The following PCF11 variants were observed in gnomAD, a reference collection of about 807,000 sequenced individuals.
PCF11 encodes the protein pre-mRNA cleavage complex 2 protein Pcf11.
PCF11 carries 19 observed loss-of-function variants against 166.1 expected under a neutral mutation model. The ratio of observed to expected loss-of-function variants is 0.11; its 90% confidence interval spans 0.08 to 0.17. PCF11 has a LOEUF of 0.17. PCF11 is among the 10% of genes least tolerant of loss of function. The pLI, the probability that PCF11 is intolerant of heterozygous loss-of-function variation, is 1.00. For missense variants in PCF11, 1,565 were observed against 1,855.5 expected (o/e 0.84, Z 2.88); for synonymous variants, 663 against 644.1 (o/e 1.03, Z -0.44).
chr11:83,163,950 C>G (rs1860353307), intron 3 of PCF11, 83 bp downstream of exon 3: 1 of 592,734 alleles, frequency 1.7e-6, no homozygotes. Flanking sequence ...GCCAGAAAGT[C>G]AAAATAGAAT....
chr11:83,161,593 GAA>G, intron 2 of PCF11, 141 bp downstream of exon 2: 1 of 572,330 alleles, frequency 1.7e-6, no homozygotes, highest in Admixed American at 3.9e-5. Flanking sequence ...CCATTTCAAA[GAA>G]AGAGGCTGAA....
At chr11:83,183,454 TTACA>T (rs1372326969) in intron 15 of PCF11, among the ~76,000 whole-genome samples, 1 of 152,064 alleles carries the variant, frequency 6.6e-6, no homozygotes, top group Non-Finnish European at 1.5e-5. Context: ...TTTTTTTTTC[TTACA>T]TCTCTATTCA....
rs1860922352 is a variant in PCF11, at chr11:83,177,317, T to C, written c.3877+113T>C. On this transcript the variant is annotated intron_variant, in intron 10 of 15. Transcript: ENST00000298281. ...AAGGTCCTTACAATAATTGAATTCC[T>C]AGGTATAGCTTTTATTTTTGATTTT... 3 of 784,214 alleles carry C rather than the reference T, an allele frequency of 3.8e-6. No homozygotes were observed. The East Asian group carries it at 9.5e-5, about 25-fold the overall frequency. The allele number at this position is 784,214 out of a possible 1,614,324, so 48.6% of individuals were successfully genotyped here.
rs150185044 is a variant in PCF11, at chr11:83,157,756, C to A, written c.192+125C>A. The A allele has an allele frequency of 3.0e-4, 255 of 856,222 alleles. 4 individuals carry two copies. Among genetic ancestry groups the A allele is most frequent in the South Asian group, 2.7e-3 (174 of 63,522 alleles). 53.0% of individuals were successfully genotyped at this position (856,222 alleles called of 1,614,324 possible). A position where few individuals can be genotyped will look rare whatever the true frequency, so the allele number is the denominator to read the frequency against. On this transcript the variant is annotated intron_variant, in intron 1 of 15. Transcript: ENST00000298281. The stretch of plus-strand genomic sequence containing the variant: ...TCCTTCTCTCCAACCCCCCCACCCC[C>A]CTCCAACTCAGGCTCGGTCTTTGGC...
chr11:83,166,140 A>C, exon 5 of PCF11: 1 of 1,610,598 alleles, frequency 6.2e-7, no homozygotes, highest in Non-Finnish European at 8.5e-7. Context: ...GACCGATGGC[A>C]AAGATGATGA....
chr11:83,183,544 G>C (rs747426795), intron 15 of PCF11, among the ~76,000 whole-genome samples: 1 of 152,062 alleles, frequency 6.6e-6, no homozygotes, highest in Non-Finnish European at 1.5e-5. Context: ...AGGCTGGAGT[G>C]CAATGGCGCA....
At chr11:83,169,844 C>T (rs1860620436) in exon 8 of PCF11, 1 of 1,613,308 alleles carries the variant, frequency 6.2e-7, no homozygotes, top group South Asian at 1.1e-5. Context: ...TTTAATGGAC[C>T]ACATGGCCCT....
chr11:83,183,779 C>G (rs774217085), intron 15 of PCF11, among the ~76,000 whole-genome samples: 1 of 151,952 alleles, frequency 6.6e-6, no homozygotes, highest in Non-Finnish European at 1.5e-5. Context: ...CGTGAGCCAC[C>G]GTGCTCGGCC....
chr11:83,158,343 G>C (rs1017014032), intron 1 of PCF11: 1 of 152,218 alleles, frequency 6.6e-6, no homozygotes, highest in East Asian at 1.9e-4. Context: ...GGTTTGGGTG[G>C]GGGGAGGAGA....
At chr11:83,166,675 C>G in exon 5 of PCF11, 1 of 1,601,142 alleles carries the variant, frequency 6.2e-7, no homozygotes, top group Non-Finnish European at 8.5e-7. Flanking sequence ...AGTTCCAAGT[C>G]TGCCAAAAGA....
chr11:83,177,638 A>G (rs1860931893), intron 10 of PCF11, 76 bp from the exon 11 acceptor site: 1 of 644,536 alleles, frequency 1.6e-6, no homozygotes, highest in Non-Finnish European at 2.5e-6. Context: ...ATTTGCTTAT[A>G]ATACTATAGT....
At chr11:83,175,727 C>T (rs1860855899) in intron 9 of PCF11, among the ~76,000 whole-genome samples, 1 of 152,112 alleles carries the variant, frequency 6.6e-6, no homozygotes, top group Non-Finnish European at 1.5e-5. Flanking sequence ...GCACTCCAGC[C>T]TGGGCAACAG....
chr11:83,167,162 C>G lies in PCF11; in HGVS notation c.1855C>G (p.Leu619Val). Reference sequence around the variant, plus strand: ...TGATGAACATAGTAAACCTCCTCATCTGAGGCATAGGGAGAGCTGGTCAAG... The same window carrying G: ...TGATGAACATAGTAAACCTCCTCATGTGAGGCATAGGGAGAGCTGGTCAAG... The change falls in exon 6 of 16, where the codon CTG (leucine) becomes GTG (valine). Residue 619 changes from leucine to valine, a missense_variant. This residue lies in a region of PCF11 where 468 missense variants were observed against 483.4 expected (regional missense o/e 0.97). Coordinates refer to ENST00000298281, the Ensembl canonical transcript of PCF11. The surrounding 1 kb of genome is among the most constrained non-coding windows in gnomAD (Gnocchi z 4.2). 6.2e-7 allele frequency: 1 copy of G among 1,613,406 alleles called. No homozygotes were observed. The highest frequency in any genetic ancestry group is 1.1e-5 in the South Asian group (1 of 91,040).
rs1554985746 is a variant in PCF11, at chr11:83,167,373, T to A, written c.2002-42T>A. 2 of 1,518,282 alleles carry A rather than the reference T, an allele frequency of 1.3e-6. No homozygotes were observed. The highest frequency in any genetic ancestry group is 1.8e-6 in the Non-Finnish European group (2 of 1,135,730). 94.1% of individuals were successfully genotyped at this position (1,518,282 alleles called of 1,614,324 possible). A position where few individuals can be genotyped will look rare whatever the true frequency, so the allele number is the denominator to read the frequency against. On this transcript the variant is annotated intron_variant, in intron 6 of 15. Coordinates refer to ENST00000298281, the Ensembl canonical transcript of PCF11. The surrounding 1 kb of genome is among the most constrained non-coding windows in gnomAD (Gnocchi z 4.2). Reference sequence around the variant, plus strand: ...ATCGTCTATTTTTTTGGTATTTTTTTATATTTAAAATATTTTATTTCCTTT... The same window carrying A: ...ATCGTCTATTTTTTTGGTATTTTTTAATATTTAAAATATTTTATTTCCTTT...
At chr11:83,164,674 G>A (rs1860382791) in intron 4 of PCF11, among the ~76,000 whole-genome samples, 1 of 151,880 alleles carries the variant, frequency 6.6e-6, no homozygotes, top group African/African-American at 2.4e-5. Context: ...CTTGAGTTTA[G>A]GAGTTTGAGG....
chr11:83,185,117 A>G (rs1861235959), exon 16 of PCF11: 2 of 398,434 alleles, frequency 5.0e-6, no homozygotes, highest in Non-Finnish European at 8.8e-6. Context: ...GATGTGTGCA[A>G]ATTTAACGAA....
chr11:83,182,626 A>C, intron 14 of PCF11, 135 bp downstream of exon 14: 1 of 603,302 alleles, frequency 1.7e-6, no homozygotes, highest in Non-Finnish European at 3.0e-6. Flanking sequence ...ATTGGACTTT[A>C]GTAATAGAAT....
chr11:83,187,310 G>C (rs1861326938), exon 16 of PCF11: 2 of 151,994 alleles, frequency 1.3e-5, no homozygotes, highest in South Asian at 4.1e-4. Context: ...TGCCCGTCTT[G>C]GCCTCCCAGA....
chr11:83,159,088 G>A (rs896638763), intron 1 of PCF11, among the ~76,000 whole-genome samples: 5 of 151,942 alleles, frequency 3.3e-5, no homozygotes, highest in Non-Finnish European at 5.9e-5. Context: ...GAAAAGGAAG[G>A]GTTTTTTTTC....
Sources: allele counts gnomAD v4.1 joint callset (sites outside exome capture counted in the v4.1 genomes callset), GRCh38; gene constraint gnomAD v4.1.1; regional missense constraint gnomAD v4.1.1; non-coding constraint Gnocchi (gnomAD v3.1); transcripts MANE v1.5; gene names NCBI Gene and HGNC (gene_info 2026-07-23, HGNC 2026-07-21).